The following SRP68 variants were observed in gnomAD, a reference collection of about 807,000 sequenced individuals.
SRP68 encodes signal recognition particle 68.
SRP68 carries 15 observed loss-of-function variants against 82.2 expected under a neutral mutation model. That is an observed-to-expected ratio of 0.18 (90% CI 0.12 to 0.28). SRP68 has a LOEUF of 0.28. SRP68 is among the 10% of genes least tolerant of loss of function. The probability of loss-of-function intolerance (pLI) is 1.00; values close to 1 mark genes in which losing one functional copy is unlikely to be tolerated. For synonymous variants in SRP68, 261 were observed against 292.6 expected, an observed-to-expected ratio of 0.89 and a Z score of 1.10; for missense variants, 595 against 780.5, an observed-to-expected ratio of 0.76 and a Z score of 2.83.
At chr17:76,051,093 C>G (rs1159843420) in intron 8 of SRP68, among the ~76,000 whole-genome samples, 1 of 152,194 alleles carries the variant, frequency 6.6e-6, no homozygotes, top group Admixed American at 6.5e-5. Context: ...GACAGTTCTC[C>G]TAAATATCAC....
chr17:76,062,747 A>AT (rs2066775242), intron 4 of SRP68, among the ~76,000 whole-genome samples: 2 of 81,498 alleles, frequency 2.5e-5, no homozygotes, highest in African/African-American at 1.5e-4. Flanking sequence ...ATATATATAT[A>AT]TATATATATA....
intron 9 of SRP68, 114 bp downstream of exon 9, chr17:76,050,313 GA>G: frequency 1.4e-6 from 1 of 714,638 alleles, no homozygotes; most frequent in East Asian, 2.6e-5. Context: ...AAACAAAAAC[GA>G]AACAGTGGCC....
chr17:76,069,111 G>T (rs888969391), intron 2 of SRP68, among the ~76,000 whole-genome samples: 14 of 151,902 alleles, frequency 9.2e-5, no homozygotes, highest in African/African-American at 3.4e-4. Context: ...TCAGGGGCCG[G>T]GCGTGGTGGT....
chr17:76,053,697 C>T (rs573594682), intron 8 of SRP68: 12 of 958,912 alleles, frequency 1.3e-5, no homozygotes, highest in South Asian at 9.7e-5. Context: ...GTTTTTCTTA[C>T]GACGCCCACA....
chr17:76,052,457 A>C (rs1438773256), intron 8 of SRP68, among the ~76,000 whole-genome samples: 1 of 151,966 alleles, frequency 6.6e-6, no homozygotes. Context: ...AGGGGGTGGG[A>C]GGCAAGGGGA....
chr17:76,051,657 C>T (rs1163439775), intron 8 of SRP68, among the ~76,000 whole-genome samples: 1 of 152,104 alleles, frequency 6.6e-6, no homozygotes, highest in Non-Finnish European at 1.5e-5. Context: ...TTCCTTGTAA[C>T]TTACCCAATA....
intron 3 of SRP68, among the ~76,000 whole-genome samples, chr17:76,066,178 C>T (rs543509032): frequency 1.8e-4 from 27 of 152,154 alleles, no homozygotes; most frequent in Non-Finnish European, 3.5e-4. Context: ...CAGCCTGGCG[C>T]AGTAGCTCAC....
Position 76,070,850 on chromosome 17 carries a change from G to GCACACACACACACACACA in SRP68, c.185-424_185-407dup, listed in dbSNP as rs71891783. ...GTGAGATTCAGTCACACATGCACATGCACACACACACACACACACACACAC... is the reference window on the plus strand; with the variant it reads ...GTGAGATTCAGTCACACATGCACATGCACACACACACACACACACACACACACACACACACACACACAC... On this transcript the variant is annotated intron_variant, in intron 1 of 15. Transcript: ENST00000307877. Among the ~76,000 whole-genome samples the GCACACACACACACACACA allele has an allele frequency of 3.3e-3, 478 of 146,874 alleles. 2 individuals are homozygous for GCACACACACACACACACA. Among genetic ancestry groups the GCACACACACACACACACA allele is most frequent in the Non-Finnish European group, 4.5e-3 (303 of 66,616 alleles).
At position 76,060,226 on chromosome 17, in the gene SRP68, T is replaced by C. The variant is rs539315943; in HGVS notation, c.837+82A>G. The C allele has an allele frequency of 1.4e-5, 10 of 702,228 alleles. No homozygotes were observed. In the East Asian group the frequency reaches 2.8e-4, roughly 20 times the overall value. 43.5% of individuals were successfully genotyped at this position (702,228 alleles called of 1,614,324 possible). The stretch of plus-strand genomic sequence containing the variant: ...AGATATAAATATCCATATATTAATA[T>C]CAAATATCCCTAGGGGATTATGAAT... On this transcript the variant is annotated intron_variant, in intron 7 of 15. Transcript: ENST00000307877.
intron 2 of SRP68, among the ~76,000 whole-genome samples, chr17:76,069,888 C>A (rs1228032298): frequency 6.6e-6 from 1 of 151,592 alleles, no homozygotes; most frequent in Admixed American, 6.6e-5. Context: ...ACCAGCCTGG[C>A]CAACATGGCG....
At position 76,046,121 on chromosome 17, in the gene SRP68, G is replaced by A. The variant is rs1209798412; in HGVS notation, c.1216C>T (p.Leu406=). The A allele has an allele frequency of 6.2e-7, 1 of 1,613,976 alleles. No individual in the cohort carries two copies. Among genetic ancestry groups the A allele is most frequent in the Admixed American group, 1.7e-5 (1 of 60,004 alleles). Residue 406 remains leucine, a synonymous_variant, in exon 11 of 16, where the codon CTG becomes TTG. Transcript: ENST00000307877. ...ENMAKGLQRA[L]LQQQPEDDSK... ...TCATCCTCTGGCTGCTGCTGCAGCAGAGCCCTCTGCAGACCTTTGGCCATG... is the reference window on the plus strand; with the variant it reads ...TCATCCTCTGGCTGCTGCTGCAGCAAAGCCCTCTGCAGACCTTTGGCCATG...
chr17:76,040,291 GT>G (rs1240444605), intron 15 of SRP68, 127 bp downstream of exon 15: 1 of 891,814 alleles, frequency 1.1e-6, no homozygotes, highest in Non-Finnish European at 1.8e-6. Context: ...TTGAGGTTGG[GT>G]AAGAGAAGGG....
chr17:76,039,897 G>C lies in SRP68; in HGVS notation c.1693C>G (p.Pro565Ala). The C allele has an allele frequency of 6.2e-7, 1 of 1,614,224 alleles. No individual in the cohort carries two copies. Among genetic ancestry groups the C allele is most frequent in the South Asian group, 1.1e-5 (1 of 91,088 alleles). Reference protein sequence around the residue: ...VERFETFCLDPSLVTKQANLV... With the variant: ...VERFETFCLDASLVTKQANLV... ...TTGGCTTGCTTGGTGACAAGGGAAGGGTCCAGGCAGAATGTCTCAAACCGT... is the reference window on the plus strand; with the variant it reads ...TTGGCTTGCTTGGTGACAAGGGAAGCGTCCAGGCAGAATGTCTCAAACCGT... The change falls in exon 16 of 16, where the codon CCT (proline) becomes GCT (alanine). Residue 565 changes from proline (P) to alanine (A), a missense_variant. This residue lies in a region of SRP68 where 495 missense variants were observed against 688.6 expected (regional missense o/e 0.72). Transcript: ENST00000307877.
At chr17:76,040,826 G>A (rs1011915931) in intron 14 of SRP68, 77 bp downstream of exon 14, 4 of 1,346,302 alleles carry the variant, frequency 3.0e-6, no homozygotes, top group Non-Finnish European at 3.2e-6. Context: ...CCTTAAAACA[G>A]TAGTATGGGG....
chr17:76,062,782 T>A lies in SRP68; in HGVS notation c.561+1194A>T, dbSNP rs370122552. Reference sequence around the variant, plus strand: ...ATATATATAAAATATATATATATATTTTTTTTGAGATGGAGTCTTGCTCTG... The same window carrying A: ...ATATATATAAAATATATATATATATATTTTTTGAGATGGAGTCTTGCTCTG... On this transcript the variant is annotated intron_variant, in intron 4 of 15. Transcript: ENST00000307877. Among the ~76,000 whole-genome samples the A allele has an allele frequency of 6.7e-3, 651 of 96,632 alleles. 10 individuals are homozygous for A. The highest frequency in any genetic ancestry group is 0.01 in the African/African-American group (189 of 18,846). 63.4% of individuals were successfully genotyped at this position (96,632 alleles called of 152,430 possible). A position where few individuals can be genotyped will look rare whatever the true frequency, so the allele number is the denominator to read the frequency against.
chr17:76,050,369 G>C, intron 9 of SRP68, 59 bp downstream of exon 9: 1 of 1,228,614 alleles, frequency 8.1e-7, no homozygotes, highest in Non-Finnish European at 1.2e-6. Context: ...CTGAGAAGGG[G>C]ACACAGGCTG....
chr17:76,053,469 CTT>C, intron 8 of SRP68: 9 of 985,392 alleles, frequency 9.1e-6, no homozygotes, highest in Non-Finnish European at 1.1e-5. Flanking sequence ...GGATTTGCCT[CTT>C]TTCCTGTCGG....
At chr17:76,061,084 T>A in intron 6 of SRP68, 26 bp downstream of exon 6, 1 of 1,386,218 alleles carries the variant, frequency 7.2e-7, no homozygotes, top group Non-Finnish European at 1.0e-6. Context: ...TCAAGTTGAG[T>A]ATAATGCCTT....
chr17:76,064,713 C>A (rs1235353676), intron 3 of SRP68, among the ~76,000 whole-genome samples: 1 of 151,832 alleles, frequency 6.6e-6, no homozygotes, highest in Non-Finnish European at 1.5e-5. Flanking sequence ...TGTTGGTATG[C>A]GCCTGTAATC....
Sources: gnomAD v4.1 joint callset for allele counts (sites outside exome capture counted in the v4.1 genomes callset) on GRCh38, gnomAD v4.1.1 for gene constraint, gnomAD v4.1.1 regional missense constraint, MANE v1.5 for transcripts, NCBI Gene and HGNC (gene_info 2026-07-23, HGNC 2026-07-21) for gene names.